CPS1: variants seen among roughly 807,000 people sequenced by gnomAD.
CPS1 encodes carbamoyl-phosphate synthase [ammonia], mitochondrial.
Under a neutral mutation model 174.6 loss-of-function variants are expected in CPS1, and 109 were observed. The observed-to-expected ratio is 0.62, with a 90% CI of 0.53 to 0.73. CPS1 has a LOEUF of 0.73. CPS1 is among the 30% of genes least tolerant of loss of function. The probability of loss-of-function intolerance (pLI) is 0.00; values close to 1 mark genes in which losing one functional copy is unlikely to be tolerated. For synonymous variants in CPS1, 637 were observed against 632.0 expected (o/e 1.01, Z -0.12); for missense variants, 1,689 against 1,821.9 (o/e 0.93, Z 1.33).
Position 210,591,760 on chromosome 2 carries a change from T to C in CPS1, c.948-71T>C, listed in dbSNP as rs187555415. ...AATAGGCTTTACTTGTTCACTACTTTATAAGGAATACATTTATATTATTCT... is the reference window on the plus strand; with the variant it reads ...AATAGGCTTTACTTGTTCACTACTTCATAAGGAATACATTTATATTATTCT... On this transcript the variant is annotated intron_variant, in intron 9 of 37. Coordinates refer to ENST00000233072, the MANE Select transcript of CPS1 (RefSeq NM_001875.5). The C allele has an allele frequency of 4.0e-5, 61 of 1,533,534 alleles. No individual in the cohort carries two copies. In the Admixed American group the frequency reaches 7.8e-4, roughly 20 times the overall value. 95.0% of individuals were successfully genotyped at this position (1,533,534 alleles called of 1,614,324 possible).
intron 33 of CPS1, among the ~76,000 whole-genome samples, chr2:210,667,110 A>G (rs983473737): frequency 7.9e-5 from 12 of 151,966 alleles, no homozygotes; most frequent in African/African-American, 2.9e-4. Flanking sequence ...GAGTTCCCTC[A>G]TGATTTGGCT....
At chr2:210,675,261 A>G (rs900879483) in intron 35 of CPS1, among the ~76,000 whole-genome samples, 1 of 152,112 alleles carries the variant, frequency 6.6e-6, no homozygotes, top group African/African-American at 2.4e-5. Flanking sequence ...TTGTTTTCAT[A>G]TGAGGTTATA....
intron 17 of CPS1, among the ~76,000 whole-genome samples, chr2:210,606,127 T>G (rs1423795675): frequency 6.6e-6 from 1 of 151,946 alleles, no homozygotes; most frequent in Admixed American, 6.6e-5. Flanking sequence ...CATTGCAAAG[T>G]CAGTTCTGTG....
At position 210,595,507 on chromosome 2, in the gene CPS1, A is replaced by G. The variant is rs1574567824; in HGVS notation, c.1284A>G (p.Leu428=). 1 of 1,611,202 alleles carries G rather than the reference A, an allele frequency of 6.2e-7. No individual in the cohort carries two copies. The highest frequency in any genetic ancestry group is 1.3e-5 in the African/African-American group (1 of 74,834). ...TATAGGTTTCCAAAGTCCTTATTCT[A>G]GGATCAGGAGGTCTGTCCATTGGTC... ...SRVEVSKVLI[L]GSGGLSIGQA... Residue 428 remains leucine, a synonymous_variant, in exon 13 of 38, where the codon CTA becomes CTG. Coordinates refer to ENST00000233072, the MANE Select transcript of CPS1 (RefSeq NM_001875.5).
chr2:210,491,136 G>A (rs1035570190), intron 1 of CPS1, among the ~76,000 whole-genome samples: 9 of 152,030 alleles, frequency 5.9e-5, no homozygotes, highest in African/African-American at 2.2e-4. Context: ...GTATTGGCAG[G>A]AATTATTTGG....
intron 15 of CPS1, among the ~76,000 whole-genome samples, chr2:210,601,584 C>T (rs1698727104): frequency 1.3e-5 from 2 of 151,882 alleles, no homozygotes; most frequent in African/African-American, 2.4e-5. Context: ...GTCCTTGCTT[C>T]CTCAGGAAAA....
chr2:210,534,804 C>T (rs965737484), intron 1 of CPS1, among the ~76,000 whole-genome samples: 2 of 152,164 alleles, frequency 1.3e-5, no homozygotes, highest in Admixed American at 6.5e-5. Flanking sequence ...CGTTCTCTTC[C>T]TGGTCCCTTC....
intron 21 of CPS1, among the ~76,000 whole-genome samples, chr2:210,620,588 G>C (rs1266719144): frequency 6.6e-6 from 1 of 152,058 alleles, no homozygotes; most frequent in Non-Finnish European, 1.5e-5. Context: ...GGAGGCCTCA[G>C]AAATCTTACA....
intron 21 of CPS1, chr2:210,631,325 C>T (rs1414008872): frequency 6.6e-6 from 1 of 152,094 alleles, no homozygotes; most frequent in Non-Finnish European, 1.5e-5. Context: ...ATTCCATTTC[C>T]TTTTATCATT....
At chr2:210,599,140 G>A (rs892334360) in intron 13 of CPS1, among the ~76,000 whole-genome samples, 1 of 151,696 alleles carries the variant, frequency 6.6e-6, no homozygotes, top group Non-Finnish European at 1.5e-5. Flanking sequence ...TCACCTCATG[G>A]CGATCTTCAT....
intron 5 of CPS1, among the ~76,000 whole-genome samples, chr2:210,582,151 G>A (rs1400188717): frequency 6.6e-6 from 1 of 152,104 alleles, no homozygotes; most frequent in Non-Finnish European, 1.5e-5. Flanking sequence ...GACTTATGTT[G>A]CATTTCATCT....
At chr2:210,628,511 G>C (rs1699760077) in intron 21 of CPS1, among the ~76,000 whole-genome samples, 1 of 151,814 alleles carries the variant, frequency 6.6e-6, no homozygotes, top group Admixed American at 6.6e-5. Flanking sequence ...ATTTTTCTAG[G>C]AAAAAAATAA....
At chr2:210,525,549 A>G (rs1010661406) in intron 1 of CPS1, among the ~76,000 whole-genome samples, 7 of 151,832 alleles carry the variant, frequency 4.6e-5, no homozygotes, top group East Asian at 2.0e-4. Context: ...TGATGACTCA[A>G]CAGTTAGAGT....
At chr2:210,598,262 C>T (rs181824875) in intron 13 of CPS1, among the ~76,000 whole-genome samples, 80 of 151,952 alleles carry the variant, frequency 5.3e-4, no homozygotes, top group East Asian at 1.8e-3. Context: ...CAAAAATGCA[C>T]GTAGACACAC....
intron 1 of CPS1, among the ~76,000 whole-genome samples, chr2:210,509,512 T>C (rs1474774323): frequency 6.6e-6 from 1 of 152,160 alleles, no homozygotes; most frequent in African/African-American, 2.4e-5. Context: ...TTCAACATAG[T>C]GTTGGAAGTT....
At chr2:210,514,229 G>T (rs575169450) in intron 1 of CPS1, among the ~76,000 whole-genome samples, 1 of 151,966 alleles carries the variant, frequency 6.6e-6, no homozygotes, top group African/African-American at 2.4e-5. Flanking sequence ...AAATGACATT[G>T]GTTGTTTGAT....
intron 28 of CPS1, among the ~76,000 whole-genome samples, chr2:210,652,997 G>C (rs113170286): frequency 1.4e-4 from 22 of 152,274 alleles, no homozygotes; most frequent in African/African-American, 5.3e-4. Flanking sequence ...TTTTTCAGAA[G>C]GCCAGCCTTG....
At chr2:210,662,974 G>A in intron 32 of CPS1, 149 bp from the exon 33 acceptor site, 1 of 772,004 alleles carries the variant, frequency 1.3e-6, no homozygotes. Flanking sequence ...TTTCAAGTCG[G>A]ATGCTTGGAC....
At chr2:210,634,158 C>T (rs1050477125) in intron 21 of CPS1, among the ~76,000 whole-genome samples, 1 of 152,182 alleles carries the variant, frequency 6.6e-6, no homozygotes, top group African/African-American at 2.4e-5. Context: ...TCGCCAGGCG[C>T]GGTGGCTCAC....
Sources: allele counts gnomAD v4.1 joint callset (sites outside exome capture counted in the v4.1 genomes callset), GRCh38; gene constraint gnomAD v4.1.1; transcripts MANE v1.5; gene names NCBI Gene and HGNC (gene_info 2026-07-23, HGNC 2026-07-21).